The following RGS5 variants were observed in gnomAD, a reference collection of about 807,000 sequenced individuals.
RGS5 encodes the protein regulator of G protein signaling 5.
A neutral mutation model predicts 18.9 loss-of-function variants in RGS5; 20 were observed. That is an observed-to-expected ratio of 1.06 (90% CI 0.74 to 1.54). The LOEUF is 1.54. RGS5 is among the 40% of genes most tolerant of loss of function. The pLI is 0.00. For synonymous variants in RGS5, 57 were observed against 76.2 expected (o/e 0.75, Z 1.31); for missense variants, 201 against 211.8 (o/e 0.95, Z 0.32).
intron 2 of RGS5, among the ~76,000 whole-genome samples, chr1:163,299,140 T>A (rs149935793): frequency 1.3e-5 from 2 of 152,284 alleles, no homozygotes; most frequent in East Asian, 3.9e-4. Flanking sequence ...AAACATGCAA[T>A]TTAAGTATGC....
intron 2 of RGS5, among the ~76,000 whole-genome samples, chr1:163,263,126 G>A (rs1439532948): frequency 6.6e-6 from 1 of 152,150 alleles, no homozygotes; most frequent in Non-Finnish European, 1.5e-5. Flanking sequence ...CTGGGCAGCT[G>A]TAACTTGCTT....
chr1:163,311,820 G>A (rs1213469372), intron 1 of RGS5, among the ~76,000 whole-genome samples: 3 of 152,172 alleles, frequency 2.0e-5, no homozygotes, highest in Non-Finnish European at 2.9e-5. Flanking sequence ...ACCAAAATGT[G>A]ACAAAGACAC....
intron 2 of RGS5, among the ~76,000 whole-genome samples, chr1:163,231,411 T>C (rs1647479239): frequency 6.6e-6 from 1 of 152,180 alleles, no homozygotes; most frequent in Non-Finnish European, 1.5e-5. Context: ...TTTGTGATCA[T>C]GTTAGGGACT....
intron 2 of RGS5, among the ~76,000 whole-genome samples, chr1:163,226,045 C>T (rs1004107722): frequency 4.6e-5 from 7 of 151,948 alleles, no homozygotes; most frequent in Admixed American, 3.9e-4. Flanking sequence ...CTCAGCCTCC[C>T]GAGTAGCTGG....
At chr1:163,251,664 T>C (rs1462791596) in intron 2 of RGS5, among the ~76,000 whole-genome samples, 1 of 152,182 alleles carries the variant, frequency 6.6e-6, no homozygotes. Context: ...GTGCTACTCC[T>C]GTAGTTATAC....
At chr1:163,191,800 G>T (rs936078430) in intron 1 of RGS5, among the ~76,000 whole-genome samples, 4 of 152,198 alleles carry the variant, frequency 2.6e-5, no homozygotes, top group Non-Finnish European at 4.4e-5. Context: ...GATAAGGGTT[G>T]GTCACTAGAA....
intron 2 of RGS5, among the ~76,000 whole-genome samples, chr1:163,239,643 ATAAAAGCCAGCT>A (rs1647732510): frequency 1.3e-5 from 2 of 152,210 alleles, no homozygotes; most frequent in African/African-American, 4.8e-5. Flanking sequence ...TCACAGCAGA[ATAAAAGCCAGCT>A]TAAAGGACCT....
At chr1:163,176,816 A>T (rs545656099) in intron 1 of RGS5, among the ~76,000 whole-genome samples, 2 of 152,336 alleles carry the variant, frequency 1.3e-5, no homozygotes, top group South Asian at 4.1e-4. Context: ...TAAATTGGGC[A>T]AGACAGATAC....
chr1:163,155,636 G>A (rs1180362273), intron 3 of RGS5, among the ~76,000 whole-genome samples: 1 of 151,992 alleles, frequency 6.6e-6, no homozygotes, highest in African/African-American at 2.4e-5. Flanking sequence ...TCACCCCTGC[G>A]GACAACCTAT....
intron 1 of RGS5, among the ~76,000 whole-genome samples, chr1:163,178,578 C>A (rs533231212): frequency 5.3e-5 from 8 of 152,120 alleles, no homozygotes; most frequent in Non-Finnish European, 1.2e-4. Flanking sequence ...AAGACGATAC[C>A]TAAACCCACA....
intron 1 of RGS5, chr1:163,172,619 T>C: frequency 6.5e-7 from 1 of 1,549,374 alleles, no homozygotes; most frequent in Non-Finnish European, 8.7e-7. Flanking sequence ...GAAAAGATAT[T>C]CAGTGCTTTG....
At chr1:163,267,138 G>A (rs1283695471) in intron 2 of RGS5, 1 of 152,094 alleles carries the variant, frequency 6.6e-6, no homozygotes, top group African/African-American at 2.4e-5. Context: ...AAGGTATTGG[G>A]ATTAGATAAA....
intron 1 of RGS5, 34 bp from the exon 2 acceptor site, chr1:163,168,402 C>T (rs1424164673): frequency 9.1e-6 from 13 of 1,435,626 alleles, no homozygotes; most frequent in Admixed American, 1.7e-5. Context: ...AATGAGGACA[C>T]CACATGTGCA....
At chr1:163,284,673 A>G (rs965406471) in intron 2 of RGS5, among the ~76,000 whole-genome samples, 5 of 151,984 alleles carry the variant, frequency 3.3e-5, no homozygotes, top group Admixed American at 6.6e-5. Context: ...TGTGCAGGTA[A>G]TCTATGTCTT....
intron 1 of RGS5, among the ~76,000 whole-genome samples, chr1:163,214,850 T>C (rs1439743143): frequency 6.6e-6 from 1 of 152,184 alleles, no homozygotes; most frequent in Non-Finnish European, 1.5e-5. Context: ...GAATCAAAAA[T>C]TGCCAAATTT....
intron 1 of RGS5, among the ~76,000 whole-genome samples, chr1:163,216,076 G>A (rs1220417516): frequency 6.6e-6 from 1 of 151,984 alleles, no homozygotes; most frequent in African/African-American, 2.4e-5. Context: ...GATGTTAGTG[G>A]GTTTCTTGCC....
rs193177093 is a variant in RGS5, at chr1:163,286,898, A to G, written c.-281+19335T>C. 5.9e-5 allele frequency among the ~76,000 whole-genome samples: 9 copies of G among 152,282 alleles called. No individual in the cohort carries two copies. In the East Asian group the frequency reaches 1.7e-3, roughly 29 times the overall value. On this transcript the variant is annotated intron_variant, in intron 2 of 5. Coordinates refer to the RGS5 transcript ENST00000618415. The stretch of plus-strand genomic sequence containing the variant: ...ATTCCTTTCTTCAGAGTAATTATAC[A>G]TATTCCCTGTGCTGTTTATAGCTTA...
chr1:163,231,771 G>T (rs920435762), intron 2 of RGS5, among the ~76,000 whole-genome samples: 3 of 103,468 alleles, frequency 2.9e-5, no homozygotes, highest in African/African-American at 1.0e-4. Flanking sequence ...AAAAAAAAAA[G>T]GCTAAATAGA....
intron 1 of RGS5, among the ~76,000 whole-genome samples, chr1:163,186,999 A>G (rs1399846638): frequency 6.6e-6 from 1 of 152,134 alleles, no homozygotes. Flanking sequence ...TGGCTTTGTT[A>G]TTCTTTTCTT....
Sources: gnomAD v4.1 joint callset for allele counts (sites outside exome capture counted in the v4.1 genomes callset) on GRCh38, gnomAD v4.1.1 for gene constraint, MANE v1.5 for transcripts, NCBI Gene and HGNC (gene_info 2026-07-23, HGNC 2026-07-21) for gene names.